PRKN: variants seen among roughly 807,000 people sequenced by gnomAD.
The protein encoded by PRKN is parkin RBR E3 ubiquitin protein ligase.
PRKN carries 56 observed loss-of-function variants against 59.5 expected under a neutral mutation model. The ratio of observed to expected loss-of-function variants is 0.94; its 90% confidence interval spans 0.76 to 1.18. PRKN has a LOEUF of 1.18. Ranked by LOEUF, PRKN falls within the 50% of genes most tolerant of loss-of-function variation. The pLI, the probability that PRKN is intolerant of heterozygous loss-of-function variation, is 0.00. For missense variants in PRKN, 657 were observed against 596.4 expected, an observed-to-expected ratio of 1.10 and a Z score of -1.06; for synonymous variants, 250 against 222.1, an observed-to-expected ratio of 1.13 and a Z score of -1.12.
At chr6:161,511,063 A>C (rs1778370078) in intron 9 of PRKN, among the ~76,000 whole-genome samples, 1 of 152,226 alleles carries the variant, frequency 6.6e-6, no homozygotes, top group Non-Finnish European at 1.5e-5. Context: ...AATGGACTCA[A>C]ACTATAACAA....
rs1179696993 is a variant in PRKN, at chr6:161,466,072, G to T, written c.1084-79195C>A. Among the ~76,000 whole-genome samples the T allele has an allele frequency of 6.6e-6, 1 of 152,106 alleles. No homozygotes were observed. The highest frequency in any genetic ancestry group is 1.5e-5 in the Non-Finnish European group (1 of 68,028). Reference sequence around the variant, plus strand: ...CACACATAGTTATCTTTGTGTGTGTGTGTGTGTGTGTCTGTGTGGGGAGGA... The same window carrying T: ...CACACATAGTTATCTTTGTGTGTGTTTGTGTGTGTGTCTGTGTGGGGAGGA... On this transcript the variant is annotated intron_variant, in intron 9 of 11. Transcript: ENST00000366898. The surrounding 1 kb of genome is among the most constrained non-coding windows in gnomAD (Gnocchi z 5.0).
chr6:162,185,121 A>G (rs1009873196), intron 4 of PRKN, among the ~76,000 whole-genome samples: 4 of 152,134 alleles, frequency 2.6e-5, no homozygotes, highest in African/African-American at 9.7e-5. Flanking sequence ...GATTTGTGAT[A>G]TTATTTAGTA....
intron 2 of PRKN, among the ~76,000 whole-genome samples, chr6:162,432,291 G>T (rs1368307288): frequency 1.3e-5 from 2 of 152,142 alleles, no homozygotes; most frequent in African/African-American, 2.4e-5. Context: ...ACTTTGGGAG[G>T]CCGAGGCAGA....
intron 7 of PRKN, among the ~76,000 whole-genome samples, chr6:161,716,616 G>C (rs549476241): frequency 1.3e-5 from 2 of 152,188 alleles, no homozygotes; most frequent in African/African-American, 2.4e-5. Flanking sequence ...TCTCAAGAGG[G>C]GGGGAAAAGA....
rs73008458 is a variant in PRKN, at chr6:162,593,513, C to T, written c.7+134149G>A. 4.5e-3 allele frequency among the ~76,000 whole-genome samples: 683 copies of T among 152,280 alleles called. 3 individuals are homozygous for T. Among genetic ancestry groups the T allele is most frequent in the Middle Eastern group, 0.01 (3 of 294 alleles). ...TCATCTCTCTGGACTTTACACAGTACGGTTTATCACTGAAATCTCACAATA... is the reference window on the plus strand; with the variant it reads ...TCATCTCTCTGGACTTTACACAGTATGGTTTATCACTGAAATCTCACAATA... On this transcript the variant is annotated intron_variant, in intron 1 of 11. Coordinates refer to ENST00000366898, the MANE Select transcript of PRKN (RefSeq NM_004562.3).
At chr6:161,782,873 G>A (rs4308533) in intron 7 of PRKN, among the ~76,000 whole-genome samples, 50,978 of 151,612 alleles carry the variant, frequency 0.34, 8,752 homozygotes, top group South Asian at 0.44. Context: ...CAGCCTCGGC[G>A]ACAGAGCAAG....
In PRKN at chr6:161,588,091, T is replaced by C. The variant is rs930004211; in HGVS notation, c.872-18675A>G. On this transcript the variant is annotated intron_variant, in intron 7 of 11. Coordinates refer to ENST00000366898, the MANE Select transcript of PRKN (RefSeq NM_004562.3). The surrounding 1 kb of genome is among the most constrained non-coding windows in gnomAD (Gnocchi z 5.0). Reference sequence around the variant, plus strand: ...AGCGTTAATTATTAGGATTAAAAATTTACTCTATGGGGGGCTGGGCGCGGT... The same window carrying C: ...AGCGTTAATTATTAGGATTAAAAATCTACTCTATGGGGGGCTGGGCGCGGT... 6.6e-6 allele frequency among the ~76,000 whole-genome samples: 1 copy of C among 152,084 alleles called. No homozygotes were observed. Among genetic ancestry groups the C allele is most frequent in the Non-Finnish European group, 1.5e-5 (1 of 68,004 alleles).
intron 4 of PRKN, among the ~76,000 whole-genome samples, chr6:162,097,427 A>G (rs1779792394): frequency 6.6e-6 from 1 of 152,202 alleles, no homozygotes; most frequent in South Asian, 2.1e-4. Flanking sequence ...GAAGGCTTAG[A>G]AAGTTGAGGT....
rs151275322 is a variant in PRKN, at chr6:162,628,241, T to C, written c.7+99421A>G. On this transcript the variant is annotated intron_variant, in intron 1 of 11. Transcript: ENST00000366898. ...ACAGTTGGTTGAGGGTAAGGTAGAG[T>C]TGAAAATTAAGGTAAAGGGAACTTA... Among the ~76,000 whole-genome samples the C allele has an allele frequency of 2.3e-3, 352 of 151,874 alleles. 2 individuals are homozygous for C. The highest frequency in any genetic ancestry group is 8.0e-3 in the African/African-American group (333 of 41,412).
At chr6:162,705,268 T>G (rs976514106) in intron 1 of PRKN, among the ~76,000 whole-genome samples, 1 of 152,140 alleles carries the variant, frequency 6.6e-6, no homozygotes, top group African/African-American at 2.4e-5. Flanking sequence ...GAAAATCCCC[T>G]TTACTGTTTC....
intron 6 of PRKN, among the ~76,000 whole-genome samples, chr6:161,851,861 C>T (rs1041126940): frequency 3.3e-5 from 5 of 151,074 alleles, no homozygotes; most frequent in Non-Finnish European, 5.9e-5. Context: ...CCGAGGCGGG[C>T]GGATCACCTG....
At chr6:162,281,432 A>G (rs1163994489) in intron 2 of PRKN, among the ~76,000 whole-genome samples, 1 of 152,132 alleles carries the variant, frequency 6.6e-6, no homozygotes, top group East Asian at 1.9e-4. Context: ...AAAAATAAGA[A>G]AATAAGAAAT....
intron 6 of PRKN, among the ~76,000 whole-genome samples, chr6:161,841,532 T>C (rs1792986791): frequency 6.6e-6 from 1 of 152,058 alleles, no homozygotes; most frequent in Non-Finnish European, 1.5e-5. Context: ...GTATTTTTAT[T>C]AGAGATGGGG....
intron 6 of PRKN, among the ~76,000 whole-genome samples, chr6:161,868,276 C>T (rs1413135357): frequency 2.7e-5 from 4 of 145,834 alleles, no homozygotes; most frequent in Non-Finnish European, 5.9e-5. Flanking sequence ...GTGATTGTTA[C>T]AATTGAAAAT....
At chr6:162,042,885 G>A (rs1025736831) in intron 5 of PRKN, among the ~76,000 whole-genome samples, 5 of 152,134 alleles carry the variant, frequency 3.3e-5, no homozygotes, top group African/African-American at 1.2e-4. Context: ...TGTTAAAATA[G>A]TTCATTTTTA....
intron 1 of PRKN, among the ~76,000 whole-genome samples, chr6:162,632,326 A>G (rs746198005): frequency 7.9e-5 from 12 of 152,236 alleles, no homozygotes; most frequent in Non-Finnish European, 1.5e-4. Context: ...CTACATAGCC[A>G]TAAGAAAGAA....
At chr6:161,543,930 A>C (rs1383060215) in intron 9 of PRKN, among the ~76,000 whole-genome samples, 2 of 152,242 alleles carry the variant, frequency 1.3e-5, no homozygotes, top group Non-Finnish European at 2.9e-5. Flanking sequence ...TTTGTGAGAT[A>C]GTTCTGATGA....
chr6:162,430,607 A>C (rs1271016273), intron 2 of PRKN, among the ~76,000 whole-genome samples: 1 of 148,822 alleles, frequency 6.7e-6, no homozygotes, highest in Non-Finnish European at 1.5e-5. Flanking sequence ...ATATCTTGTA[A>C]AAACAGAGTT....
intron 4 of PRKN, among the ~76,000 whole-genome samples, chr6:162,100,762 C>T (rs531997568): frequency 7.2e-5 from 11 of 152,190 alleles, no homozygotes; most frequent in African/African-American, 2.4e-4. Context: ...TTTTTGATAA[C>T]AGCCATCCTA....
Sources: gnomAD v4.1 joint callset for allele counts (sites outside exome capture counted in the v4.1 genomes callset) on GRCh38, gnomAD v4.1.1 for gene constraint, Gnocchi (gnomAD v3.1) non-coding constraint, MANE v1.5 for transcripts, NCBI Gene and HGNC (gene_info 2026-07-23, HGNC 2026-07-21) for gene names.